The following KDM4B variants were observed in gnomAD, a reference collection of about 807,000 sequenced individuals.
KDM4B encodes lysine-specific demethylase 4B.
KDM4B carries 32 observed loss-of-function variants against 125.2 expected under a neutral mutation model. The ratio of observed to expected loss-of-function variants is 0.26; its 90% CI spans 0.19 to 0.34. The LOEUF (loss-of-function observed/expected upper bound fraction) is 0.34. Among genes scored for constraint, KDM4B ranks in the 10% least tolerant of loss-of-function variants. The pLI is 1.00. For missense variants in KDM4B, 1,190 were observed against 1,577.7 expected (o/e 0.75, Z 4.16); for synonymous variants, 721 against 677.9 (o/e 1.06, Z -0.99).
chr19:5,145,135 T>A (rs1470765886), intron 21 of KDM4B, among the ~76,000 whole-genome samples: 2 of 152,124 alleles, frequency 1.3e-5, no homozygotes, highest in Non-Finnish European at 2.9e-5. Context: ...GGGTGACATT[T>A]CCCTTTGAGA....
chr19:4,999,864 T>C (rs1376741382), intron 1 of KDM4B, among the ~76,000 whole-genome samples: 1 of 121,730 alleles, frequency 8.2e-6, no homozygotes, highest in Non-Finnish European at 1.6e-5. Flanking sequence ...TATCCATCCA[T>C]CCATCCACCC....
chr19:5,114,906 A>G lies in KDM4B; in HGVS notation c.1115+4088A>G, dbSNP rs114252399. On this transcript the variant is annotated intron_variant, in intron 10 of 22. Transcript: ENST00000159111. This position sits in a 1 kb window ranked among gnomAD's most constrained non-coding sequence, Gnocchi z 5.8. ...AAATATTAGTGCAGTTATCTGGACT[A>G]TGTCCCGACATTTGGCTCATAGGAA... Among the ~76,000 whole-genome samples the G allele has an allele frequency of 6.6e-3, 1,013 of 152,368 alleles. 10 individuals are homozygous for G. Among genetic ancestry groups the G allele is most frequent in the African/African-American group, 0.023 (969 of 41,592 alleles).
At chr19:4,970,401 C>T (rs972065253) in intron 1 of KDM4B, among the ~76,000 whole-genome samples, 1 of 151,924 alleles carries the variant, frequency 6.6e-6, no homozygotes, top group African/African-American at 2.4e-5. Context: ...GCGTCTTTTT[C>T]CATGTGTTTC....
At chr19:5,139,539 C>T (rs760785555) in intron 18 of KDM4B, among the ~76,000 whole-genome samples, 14 of 152,172 alleles carry the variant, frequency 9.2e-5, no homozygotes, top group Non-Finnish European at 1.9e-4. Flanking sequence ...CCCATCCGCA[C>T]CCCCCGGGTG....
rs745660913 is a variant in KDM4B at position 5,131,166 on chromosome 19, C to T, written c.1406C>T (p.Pro469Leu). 2.9e-5 allele frequency: 46 copies of T among 1,586,150 alleles called. No homozygotes were observed. The highest frequency in any genetic ancestry group is 9.2e-5 in the South Asian group (8 of 87,386). ...CTGCTGCCCCCACAGCTGCCGCCCC[C>T]GCCTGCTCACTTCCCCTCAGAGGAG... ...FGLLPPQLPP[P>L]PAHFPSEEAL... Residue 469 changes from proline to leucine, a missense_variant, in exon 12 of 23, where the codon CCG (proline) becomes CTG (leucine). Physicochemically the swap from Pro to Leu is moderately conservative, Grantham distance 98. Around this residue, in one of 7 missense-constraint regions of KDM4B, gnomAD observed 428 missense variants for 405.1 expected, o/e 1.06. Coordinates refer to ENST00000159111, the MANE Select transcript of KDM4B (RefSeq NM_015015.3).
intron 1 of KDM4B, among the ~76,000 whole-genome samples, chr19:5,012,304 C>A (rs1413662708): frequency 6.6e-6 from 1 of 152,176 alleles, no homozygotes; most frequent in Non-Finnish European, 1.5e-5. Flanking sequence ...TGCCTGCCAC[C>A]CCCCACCCGT....
chr19:4,976,109 C>T (rs998067765), intron 1 of KDM4B, among the ~76,000 whole-genome samples: 4 of 151,286 alleles, frequency 2.6e-5, no homozygotes, highest in Admixed American at 6.6e-5. Flanking sequence ...ATTAGTTGGG[C>T]GTGGTGGTGT....
intron 1 of KDM4B, among the ~76,000 whole-genome samples, chr19:4,999,270 C>G (rs1183144619): frequency 1.3e-5 from 2 of 152,168 alleles, no homozygotes; most frequent in Non-Finnish European, 2.9e-5. Flanking sequence ...CACGATTGAT[C>G]TGGTTGCTCA....
chr19:5,062,177 CCTCT>C (rs2145781037), intron 6 of KDM4B, among the ~76,000 whole-genome samples: 1 of 152,312 alleles, frequency 6.6e-6, no homozygotes, highest in African/African-American at 2.4e-5. Context: ...ATCTCCTCTC[CCTCT>C]CTCTCAGCCA....
At chr19:5,061,831 A>G (rs1202472488) in intron 6 of KDM4B, among the ~76,000 whole-genome samples, 1 of 151,828 alleles carries the variant, frequency 6.6e-6, no homozygotes, top group Non-Finnish European at 1.5e-5. Flanking sequence ...TGTCTCTTAA[A>G]AAAAAAAAAC....
chr19:5,134,646 G>A (rs1351508254), intron 14 of KDM4B, among the ~76,000 whole-genome samples: 3 of 152,218 alleles, frequency 2.0e-5, no homozygotes, highest in Non-Finnish European at 4.4e-5. Flanking sequence ...CCCCAGGACA[G>A]GACCTGGCCA....
At chr19:4,984,484 G>A (rs1463687805) in intron 1 of KDM4B, among the ~76,000 whole-genome samples, 1 of 152,098 alleles carries the variant, frequency 6.6e-6, no homozygotes, top group East Asian at 1.9e-4. Flanking sequence ...TATGGGCCAG[G>A]AAGCAGGCGT....
intron 11 of KDM4B, among the ~76,000 whole-genome samples, chr19:5,128,781 A>G (rs912789087): frequency 1.4e-5 from 2 of 141,666 alleles, no homozygotes; most frequent in African/African-American, 2.6e-5. Flanking sequence ...TTCCCACGCC[A>G]GCCTGTCTGC....
intron 1 of KDM4B, among the ~76,000 whole-genome samples, chr19:5,011,208 C>T (rs1192265353): frequency 6.6e-6 from 1 of 152,174 alleles, no homozygotes; most frequent in Non-Finnish European, 1.5e-5. Flanking sequence ...CTGCAGGGCT[C>T]CCTGGTTCCT....
rs185613904 is a variant in KDM4B, at chr19:5,086,727, G to C, written c.918+4223G>C. On this transcript the variant is annotated intron_variant, in intron 9 of 22. Coordinates refer to ENST00000159111, the MANE Select transcript of KDM4B (RefSeq NM_015015.3). ...GGCCCCCACCGCCTCACCACACCTC[G>C]AGCCAGTGCAGCTCCCTCTGGAGTT... Among the ~76,000 whole-genome samples the C allele has an allele frequency of 2.6e-3, 396 of 152,268 alleles. 2 individuals carry two copies. Among genetic ancestry groups the C allele is most frequent in the Middle Eastern group, 0.01 (3 of 294 alleles).
chr19:5,046,193 G>A (rs922127728), intron 5 of KDM4B, among the ~76,000 whole-genome samples: 1 of 152,240 alleles, frequency 6.6e-6, no homozygotes, highest in Non-Finnish European at 1.5e-5. Context: ...AGCCCAGGCC[G>A]ACCTGCCACA....
At chr19:4,983,409 A>T (rs2034716511) in intron 1 of KDM4B, among the ~76,000 whole-genome samples, 1 of 152,166 alleles carries the variant, frequency 6.6e-6, no homozygotes, top group Non-Finnish European at 1.5e-5. Context: ...GACATTCACC[A>T]GCAATGGCAG....
chr19:4,991,024 A>G (rs932057627), intron 1 of KDM4B, among the ~76,000 whole-genome samples: 2 of 152,168 alleles, frequency 1.3e-5, no homozygotes, highest in Admixed American at 6.5e-5. Context: ...GGGAGGGGAC[A>G]GGAGAATTGC....
chr19:5,072,002 T>C (rs2037964000), intron 7 of KDM4B, among the ~76,000 whole-genome samples: 1 of 152,120 alleles, frequency 6.6e-6, no homozygotes, highest in Non-Finnish European at 1.5e-5. Flanking sequence ...TCTGACAGCA[T>C]TGAGAGGGCC....
Sources: allele counts gnomAD v4.1 joint callset (sites outside exome capture counted in the v4.1 genomes callset), GRCh38; gene constraint gnomAD v4.1.1; regional missense constraint gnomAD v4.1.1; non-coding constraint Gnocchi (gnomAD v3.1); transcripts MANE v1.5; gene names NCBI Gene and HGNC (gene_info 2026-07-23, HGNC 2026-07-21).